MLIP: variants seen among roughly 807,000 people sequenced by gnomAD.
MLIP encodes muscular LMNA-interacting protein.
Under a neutral mutation model 84.8 loss-of-function variants are expected in MLIP, and 79 were observed. The ratio of observed to expected loss-of-function variants is 0.93; its 90% CI spans 0.78 to 1.12. The LOEUF (loss-of-function observed/expected upper bound fraction) is 1.12. Among genes scored for constraint, MLIP ranks in the 50% most tolerant of loss-of-function variants. The pLI, the probability that MLIP is intolerant of heterozygous loss-of-function variation, is 0.00. For missense variants in MLIP, 1,257 were observed against 1,160.6 expected (o/e 1.08, Z -1.21); for synonymous variants, 504 against 463.0 (o/e 1.09, Z -1.14).
chr6:54,258,307 G>T (rs1167240408), intron 13 of MLIP, among the ~76,000 whole-genome samples: 1 of 151,894 alleles, frequency 6.6e-6, no homozygotes, highest in Non-Finnish European at 1.5e-5. Flanking sequence ...ACAATTTAGG[G>T]CATACTATCT....
chr6:54,109,276 GA>G (rs1211702691), upstream of MLIP, among the ~76,000 whole-genome samples: 3 of 151,600 alleles, frequency 2.0e-5, no homozygotes, highest in African/African-American at 7.3e-5. Flanking sequence ...TATAAAACTA[GA>G]AAACAACAAT....
At chr6:54,212,642 C>G (rs544364450) in intron 11 of MLIP, among the ~76,000 whole-genome samples, 4 of 152,226 alleles carry the variant, frequency 2.6e-5, no homozygotes, top group Admixed American at 2.6e-4. Flanking sequence ...TTTCCCCTTT[C>G]TTAAAAGTCA....
At chr6:54,200,223 C>T (rs1399170833) in intron 10 of MLIP, among the ~76,000 whole-genome samples, 2 of 152,168 alleles carry the variant, frequency 1.3e-5, no homozygotes, top group African/African-American at 4.8e-5. Flanking sequence ...CCCCAAACAT[C>T]TGCCTGCTTG....
rs1260701606 is a variant in MLIP at position 54,263,369 on chromosome 6, A to G, written c.2977-2581A>G. On this transcript the variant is annotated intron_variant, in intron 13 of 13. Transcript: ENST00000502396. ...TGGCTTATGGATAATAAACTCTGAT[A>G]CCAGATTTTATCTTTTTTCACCAAA... is the stretch of plus-strand genomic sequence containing the variant. Among the ~76,000 whole-genome samples the G allele has an allele frequency of 3.9e-5, 6 of 152,144 alleles. No homozygotes were observed. In the South Asian group the frequency reaches 8.3e-4, roughly 21 times the overall value.
chr6:54,068,044 C>T (rs1418345544), intron 1 of MLIP, among the ~76,000 whole-genome samples: 9 of 51,390 alleles, frequency 1.8e-4, no homozygotes, highest in African/African-American at 3.8e-4. Context: ...TTTTTCTTTC[C>T]TTCCTTCCTT....
intron 3 of MLIP, among the ~76,000 whole-genome samples, chr6:54,126,647 C>T (rs1046135185): frequency 6.6e-6 from 1 of 151,894 alleles, no homozygotes; most frequent in Admixed American, 6.6e-5. Flanking sequence ...TGACCATTGC[C>T]ACAAGTGTAA....
chr6:54,125,625 A>C (rs543842781), intron 3 of MLIP, among the ~76,000 whole-genome samples: 1 of 152,352 alleles, frequency 6.6e-6, no homozygotes, highest in South Asian at 2.1e-4. Flanking sequence ...TGAAAATGTA[A>C]GGTGACTGAC....
At position 54,207,758 on chromosome 6, in the gene MLIP, T is replaced by G. The variant is rs1394989398; in HGVS notation, c.2718+5525T>G. 2.6e-5 allele frequency among the ~76,000 whole-genome samples: 4 copies of G among 152,346 alleles called. No homozygotes were observed. In the South Asian group the frequency reaches 8.3e-4, roughly 32 times the overall value. On this transcript the variant is annotated intron_variant, in intron 11 of 13. Coordinates refer to ENST00000502396, the MANE Select transcript of MLIP (RefSeq NM_001281747.2). The stretch of plus-strand genomic sequence containing the variant: ...GAAAGTTTTACGCAAATGTGTTCTA[T>G]GTTTTGTTAACACATGATGTTTGTA...
intron 5 of MLIP, among the ~76,000 whole-genome samples, chr6:54,152,908 TTTA>T: frequency 6.6e-6 from 1 of 152,274 alleles, no homozygotes; most frequent in African/African-American, 2.4e-5. Context: ...AATATGCATC[TTTA>T]TTGTCTTACC....
intron 9 of MLIP, among the ~76,000 whole-genome samples, chr6:54,173,905 T>G (rs1480817597): frequency 6.6e-6 from 1 of 150,840 alleles, no homozygotes; most frequent in African/African-American, 2.4e-5. Context: ...TCCCAGCCTC[T>G]GGTAACCATT....
chr6:54,058,756 A>G, intron 1 of MLIP, among the ~76,000 whole-genome samples: 1 of 152,224 alleles, frequency 6.6e-6, no homozygotes, highest in Non-Finnish European at 1.5e-5. Context: ...AAAAATTGTT[A>G]GTGACATTGG....
chr6:54,074,826 A>C (rs2150348534), intron 1 of MLIP, among the ~76,000 whole-genome samples: 1 of 152,302 alleles, frequency 6.6e-6, no homozygotes, highest in East Asian at 1.9e-4. Context: ...GATTAGAAAC[A>C]CTAGATGCGA....
At chr6:54,120,994 T>C (rs1029879255) in intron 1 of MLIP, among the ~76,000 whole-genome samples, 3 of 152,132 alleles carry the variant, frequency 2.0e-5, no homozygotes, top group Non-Finnish European at 4.4e-5. Context: ...AACTTTAAAT[T>C]TGTATTTTGG....
intron 1 of MLIP, among the ~76,000 whole-genome samples, chr6:54,116,716 A>C (rs554372975): frequency 6.6e-6 from 1 of 152,366 alleles, no homozygotes; most frequent in African/African-American, 2.4e-5. Context: ...AATATTAAGG[A>C]GGAAGGAATA....
intron 12 of MLIP, among the ~76,000 whole-genome samples, chr6:54,245,582 T>G (rs1782024348): frequency 6.6e-6 from 1 of 152,138 alleles, no homozygotes; most frequent in Non-Finnish European, 1.5e-5. Flanking sequence ...ATAGAAGCAT[T>G]TTATCTTTGC....
intron 1 of MLIP, among the ~76,000 whole-genome samples, chr6:54,020,914 G>A (rs1352576006): frequency 6.6e-6 from 1 of 152,190 alleles, no homozygotes; most frequent in Non-Finnish European, 1.5e-5. Context: ...CCAGTGTCTG[G>A]GGTAGTTAAG....
At chr6:54,246,639 A>G (rs1210298338) in intron 12 of MLIP, among the ~76,000 whole-genome samples, 1 of 151,858 alleles carries the variant, frequency 6.6e-6, no homozygotes, top group Non-Finnish European at 1.5e-5. Context: ...ATATTATCAC[A>G]TTTTTCATAA....
intron 4 of MLIP, among the ~76,000 whole-genome samples, chr6:54,146,587 A>T (rs891833122): frequency 6.6e-6 from 1 of 152,222 alleles, no homozygotes; most frequent in African/African-American, 2.4e-5. Flanking sequence ...TAATTCTAAC[A>T]CTTAGACCTG....
intron 12 of MLIP, among the ~76,000 whole-genome samples, chr6:54,235,253 AT>A (rs939846269): frequency 6.6e-6 from 1 of 151,902 alleles, no homozygotes; most frequent in Non-Finnish European, 1.5e-5. Context: ...TGATTTTCTT[AT>A]TTTCCTCTAG....
Sources: allele counts gnomAD v4.1 joint callset (sites outside exome capture counted in the v4.1 genomes callset), GRCh38; gene constraint gnomAD v4.1.1; transcripts MANE v1.5; gene names NCBI Gene and HGNC (gene_info 2026-07-23, HGNC 2026-07-21).